The following DNAJB2 variants were observed in gnomAD, a reference collection of about 807,000 sequenced individuals.
The protein encoded by DNAJB2 is DnaJ heat shock protein family (Hsp40) member B2, also known as dnaJ homolog subfamily B member 2.
Under a neutral mutation model 33.3 loss-of-function variants are expected in DNAJB2, and 19 were observed. The observed-to-expected ratio is 0.57, with a 90% CI of 0.40 to 0.84. The LOEUF is 0.84. Among genes scored for constraint, DNAJB2 ranks in the 40% least tolerant of loss-of-function variants. The pLI is 0.00. For missense variants in DNAJB2, 368 were observed against 430.9 expected (o/e 0.85, Z 1.29); for synonymous variants, 172 against 164.6 (o/e 1.04, Z -0.34).
chr2:219,280,870 G>A, intron 3 of DNAJB2, 183 bp downstream of exon 3: 1 of 589,616 alleles, frequency 1.7e-6, no homozygotes, highest in Non-Finnish European at 3.0e-6. Context: ...GGTAGGAGTG[G>A]CTGGCATGAG....
rs1256102427 is a variant in DNAJB2, at chr2:219,279,585, T to C, written c.-37+67T>C. ...GACTGCTGGAGTTGGGGGGCCCCGA[T>C]AGGGCTCCTGGGCCTGGGCGTCGAG... On this transcript the variant is annotated intron_variant, in intron 1 of 8. Transcript: ENST00000336576. This position sits in a 1 kb window ranked among gnomAD's most constrained non-coding sequence, Gnocchi z 4.9. The C allele has an allele frequency of 1.6e-5, 8 of 499,028 alleles. No individual in the cohort carries two copies. The highest frequency in any genetic ancestry group is 2.5e-5 in the Non-Finnish European group (7 of 278,354). The allele number at this position is 499,028 out of a possible 1,614,324, so 30.9% of individuals were successfully genotyped here.
chr2:219,279,750 C>T lies in DNAJB2; in HGVS notation c.-36-48C>T. The T allele has an allele frequency of 6.6e-7, 1 of 1,518,326 alleles. No individual in the cohort carries two copies. Among genetic ancestry groups the T allele is most frequent in the Non-Finnish European group, 9.0e-7 (1 of 1,105,792 alleles). The allele number at this position is 1,518,326 out of a possible 1,614,324, so 94.1% of individuals were successfully genotyped here. A position where few individuals can be genotyped will look rare whatever the true frequency, so the allele number is the denominator to read the frequency against. ...CCGGGGAGGGGGACTGCTGCAGCCA[C>T]AGGGTGGGGCTCTTGGTTCTTTCCG... is the stretch of plus-strand genomic sequence containing the variant. On this transcript the variant is annotated intron_variant, in intron 1 of 8. Transcript: ENST00000336576. The surrounding 1 kb of genome is among the most constrained non-coding windows in gnomAD (Gnocchi z 4.9).
In DNAJB2 at chr2:219,279,620, G is replaced by A. The variant is rs1311054052; in HGVS notation, c.-37+102G>A. On this transcript the variant is annotated intron_variant, in intron 1 of 8. Coordinates refer to ENST00000336576, the MANE Select transcript of DNAJB2 (RefSeq NM_006736.6). The surrounding 1 kb of genome is among the most constrained non-coding windows in gnomAD (Gnocchi z 4.9). ...GGGCCTGGGCGTCGAGATAGCTCTT[G>A]GCCCCGGCCTGCGGGGGCAGATAAG... The A allele has an allele frequency of 1.0e-5, 6 of 581,568 alleles. No individual in the cohort carries two copies. The highest frequency in any genetic ancestry group is 1.8e-5 in the Non-Finnish European group (6 of 329,032). 36.0% of individuals were successfully genotyped at this position (581,568 alleles called of 1,614,324 possible). A position where few individuals can be genotyped will look rare whatever the true frequency, so the allele number is the denominator to read the frequency against.
At chr2:219,284,542 T>C (rs1347077399) in intron 8 of DNAJB2, 90 bp from the exon 9 acceptor site, 1 of 1,466,478 alleles carries the variant, frequency 6.8e-7, no homozygotes, top group Non-Finnish European at 9.1e-7. Context: ...TAAGAGACTC[T>C]AAGTGGTCAG....
intron 8 of DNAJB2, 46 bp from the exon 9 acceptor site, chr2:219,284,586 A>T: frequency 6.5e-7 from 1 of 1,536,940 alleles, no homozygotes; most frequent in Non-Finnish European, 8.8e-7. Context: ...TGGCAGTAAT[A>T]CCCCTGGCTC....
In DNAJB2 at chr2:219,286,222, G is replaced by T; in HGVS notation, c.*1235G>T. Reference sequence around the variant, plus strand: ...TCCTGGGGACTACAAATCCCAGAGTGCGGTGTGCCCGGCCTCATTTCTGAT... The same window carrying T: ...TCCTGGGGACTACAAATCCCAGAGTTCGGTGTGCCCGGCCTCATTTCTGAT... On this transcript the variant is annotated 3_prime_UTR_variant, in exon 9 of 9. Coordinates refer to ENST00000336576, the MANE Select transcript of DNAJB2 (RefSeq NM_006736.6). 1.8e-6 allele frequency: 1 copy of T among 554,032 alleles called. No individual in the cohort carries two copies. The highest frequency in any genetic ancestry group is 3.1e-6 in the Non-Finnish European group (1 of 317,938). 34.3% of individuals were successfully genotyped at this position (554,032 alleles called of 1,614,324 possible).
rs1255123849 is a variant in DNAJB2, at chr2:219,279,926, C to T, written c.65+28C>T. ...AAGTGCCTCCGTATGCAACAGAAGA[C>T]CTCTCACCCTCCACCCGCCACCACC... On this transcript the variant is annotated intron_variant, in intron 2 of 8. Coordinates refer to ENST00000336576, the MANE Select transcript of DNAJB2 (RefSeq NM_006736.6). This position sits in a 1 kb window ranked among gnomAD's most constrained non-coding sequence, Gnocchi z 4.9. 1.2e-6 allele frequency: 2 copies of T among 1,612,660 alleles called. No homozygotes were observed. The highest frequency in any genetic ancestry group is 1.7e-6 in the Non-Finnish European group (2 of 1,179,300).
In DNAJB2 at chr2:219,286,325, C is replaced by T; in HGVS notation, c.*1338C>T. 3.0e-6 allele frequency: 1 copy of T among 338,074 alleles called. No homozygotes were observed. Among genetic ancestry groups the T allele is most frequent in the Non-Finnish European group, 5.5e-6 (1 of 180,456 alleles). 20.9% of individuals were successfully genotyped at this position (338,074 alleles called of 1,614,324 possible). On this transcript the variant is annotated 3_prime_UTR_variant, in exon 9 of 9. Transcript: ENST00000336576. Reference sequence around the variant, plus strand: ...CATGTAGTAGCCCAGGTCGGCTTGTCACTCGCTGTGAGATGGGGAGATTTT... The same window carrying T: ...CATGTAGTAGCCCAGGTCGGCTTGTTACTCGCTGTGAGATGGGGAGATTTT...
At chr2:219,282,406 T>C (rs753511444) in intron 5 of DNAJB2, 2 of 378,118 alleles carry the variant, frequency 5.3e-6, no homozygotes, top group South Asian at 7.0e-5. Context: ...ATGATAGATA[T>C]GTGCCAAATA....
At chr2:219,283,730 C>T (rs1951928297) in intron 8 of DNAJB2, among the ~76,000 whole-genome samples, 1 of 152,186 alleles carries the variant, frequency 6.6e-6, no homozygotes, top group African/African-American at 2.4e-5. Context: ...ATTTTTAAAG[C>T]ACTTCCAGAT....
At chr2:219,284,541 C>CT (rs532907297) in intron 8 of DNAJB2, 91 bp from the exon 9 acceptor site, 46 of 1,464,818 alleles carry the variant, frequency 3.1e-5, no homozygotes, top group South Asian at 1.4e-4. Flanking sequence ...ATAAGAGACT[C>CT]TAAGTGGTCA....
Position 219,281,942 on chromosome 2 carries a change from C to G in DNAJB2, c.233C>G (p.Thr78Ser), listed in dbSNP as rs1951908601. The change falls in exon 5 of 9, where the codon ACT (threonine) becomes AGT (serine). Residue 78 changes from threonine (T) to serine (S), a missense_variant. By Grantham distance (58) the Thr-to-Ser change is moderately conservative. Transcript: ENST00000336576. Reference sequence around the variant, plus strand: ...TCTCCTCATCCTGCCTTTCCAGGAACTGGCCCATCTCGGGCAGAAGCTGGC... The same window carrying G: ...TCTCCTCATCCTGCCTTTCCAGGAAGTGGCCCATCTCGGGCAGAAGCTGGC... The part of the protein sequence containing the change: ...YGREGLTGTG[T>S]GPSRAEAGSG... 5.0e-6 allele frequency: 8 copies of G among 1,614,002 alleles called. No homozygotes were observed. The highest frequency in any genetic ancestry group is 5.9e-6 in the Non-Finnish European group (7 of 1,180,008).
Position 219,285,758 on chromosome 2 carries a change from C to A in DNAJB2, c.*771C>A, listed in dbSNP as rs1217177708. On this transcript the variant is annotated 3_prime_UTR_variant, in exon 9 of 9. Transcript: ENST00000336576. ...CTCTCGTTGCCTCAGCCTGCCCTCA[C>A]CCTCAGGACTAGGCAGAGGTGAGGC... The A allele has an allele frequency of 4.0e-5, 52 of 1,309,358 alleles. No homozygotes were observed. The highest frequency in any genetic ancestry group is 5.0e-5 in the Non-Finnish European group (51 of 1,024,088). The allele number at this position is 1,309,358 out of a possible 1,614,324, so 81.1% of individuals were successfully genotyped here.
At position 219,285,950 on chromosome 2, in the gene DNAJB2, GCT is replaced by G. The variant is rs1951951680; in HGVS notation, c.*969_*970del. The stretch of plus-strand genomic sequence containing the variant: ...CCATCCTCCACAGCTTGCCGCTGAC[GCT>G]CTCTCCTGTCACCCCGCCCCTGCTC... On this transcript the variant is annotated 3_prime_UTR_variant, in exon 9 of 9. Coordinates refer to ENST00000336576, the MANE Select transcript of DNAJB2 (RefSeq NM_006736.6). The G allele has an allele frequency of 6.2e-7, 1 of 1,609,878 alleles. No individual in the cohort carries two copies. The highest frequency in any genetic ancestry group is 1.7e-5 in the Admixed American group (1 of 59,908).
intron 3 of DNAJB2, 102 bp from the exon 4 acceptor site, chr2:219,281,616 A>G: frequency 6.6e-7 from 1 of 1,515,216 alleles, no homozygotes. Flanking sequence ...TTCCCCCGCC[A>G]AGTGTCAGAG....
Position 219,279,500 on chromosome 2 carries a change from G to A in DNAJB2, c.-55G>A, listed in dbSNP as rs546296428. 11 of 257,352 alleles carry A rather than the reference G, an allele frequency of 4.3e-5. No individual in the cohort carries two copies. Among genetic ancestry groups the A allele is most frequent in the East Asian group, 3.7e-4 (4 of 10,752 alleles). 15.9% of individuals were successfully genotyped at this position (257,352 alleles called of 1,614,324 possible). A position where few individuals can be genotyped will look rare whatever the true frequency, so the allele number is the denominator to read the frequency against. Reference sequence around the variant, plus strand: ...CAGGGGCGGGGCGCCGCAGGAGGCCGGGACTCCTGGCGGAGGAGGTGCGGC... The same window carrying A: ...CAGGGGCGGGGCGCCGCAGGAGGCCAGGACTCCTGGCGGAGGAGGTGCGGC... On this transcript the variant is annotated 5_prime_UTR_variant, in exon 1 of 9. Coordinates refer to ENST00000336576, the MANE Select transcript of DNAJB2 (RefSeq NM_006736.6). This position sits in a 1 kb window ranked among gnomAD's most constrained non-coding sequence, Gnocchi z 4.9.
At position 219,280,611 on chromosome 2, in the gene DNAJB2, C is replaced by CA; in HGVS notation, c.104dup (p.Asn35LysfsTer4). 1 of 1,614,082 alleles carries CA rather than the reference C, an allele frequency of 6.2e-7. No homozygotes were observed. The highest frequency in any genetic ancestry group is 8.5e-7 in the Non-Finnish European group (1 of 1,180,000). ...GCAAGGCTCTCCAGTGGCACCCAGA[C>CA]AAAAACCCAGATAATAAAGAGTTTG... On this transcript the variant is annotated frameshift_variant, in exon 3 of 9. Transcript: ENST00000336576. LOFTEE classifies it high-confidence loss of function.
At chr2:219,283,933 C>T (rs185785172) in intron 8 of DNAJB2, among the ~76,000 whole-genome samples, 32 of 152,194 alleles carry the variant, frequency 2.1e-4, no homozygotes, top group Non-Finnish European at 3.4e-4. Context: ...GCACGATTCC[C>T]GGAGCAGAAC....
At position 219,279,632 on chromosome 2, in the gene DNAJB2, C is replaced by G. The variant is rs1398715928; in HGVS notation, c.-37+114C>G. The G allele has an allele frequency of 5.0e-6, 3 of 596,986 alleles. No homozygotes were observed. Among genetic ancestry groups the G allele is most frequent in the Non-Finnish European group, 8.8e-6 (3 of 340,994 alleles). The allele number at this position is 596,986 out of a possible 1,614,324, so 37.0% of individuals were successfully genotyped here. A position where few individuals can be genotyped will look rare whatever the true frequency, so the allele number is the denominator to read the frequency against. ...CGAGATAGCTCTTGGCCCCGGCCTGCGGGGGCAGATAAGGCTGCCGGAGGG... is the reference window on the plus strand; with the variant it reads ...CGAGATAGCTCTTGGCCCCGGCCTGGGGGGGCAGATAAGGCTGCCGGAGGG... On this transcript the variant is annotated intron_variant, in intron 1 of 8. Coordinates refer to ENST00000336576, the MANE Select transcript of DNAJB2 (RefSeq NM_006736.6). The surrounding 1 kb of genome is among the most constrained non-coding windows in gnomAD (Gnocchi z 4.9).
Sources: gnomAD v4.1 joint callset for allele counts (sites outside exome capture counted in the v4.1 genomes callset) on GRCh38, gnomAD v4.1.1 for gene constraint, Gnocchi (gnomAD v3.1) non-coding constraint, MANE v1.5 for transcripts, NCBI Gene and HGNC (gene_info 2026-07-23, HGNC 2026-07-21) for gene names.